The following BLTP1 variants were observed in gnomAD, a reference collection of about 807,000 sequenced individuals.
BLTP1 encodes the protein fragile site-associated protein.
chr4:122,310,895 C>G, the BLTP1 span: 1 of 918,322 alleles, frequency 1.1e-6, no homozygotes, highest in South Asian at 5.0e-5. Context: ...TGGAAATACT[C>G]ATGCCTATTA....
chr4:122,264,188 A>G, the BLTP1 span: 1 of 1,469,226 alleles, frequency 6.8e-7, no homozygotes, highest in South Asian at 1.7e-5. Context: ...ACCCTGCTGT[A>G]CACTTTTATG....
the BLTP1 span, among the ~76,000 whole-genome samples, chr4:122,268,567 A>C: frequency 6.6e-6 from 1 of 152,034 alleles, no homozygotes; most frequent in Non-Finnish European, 1.5e-5. Flanking sequence ...CTAGATATTA[A>C]GAGTGTCTCA....
At chr4:122,152,964 A>G in the BLTP1 span, 1 of 984,602 alleles carries the variant, frequency 1.0e-6, no homozygotes, top group Non-Finnish European at 1.2e-6. Flanking sequence ...GCTGCTTAAT[A>G]TAGGGTCGGT....
the BLTP1 span, among the ~76,000 whole-genome samples, chr4:122,339,629 C>G: frequency 6.6e-6 from 1 of 152,166 alleles, no homozygotes; most frequent in East Asian, 1.9e-4. Context: ...AGCTGAATGG[C>G]AATTAGACAG....
At chr4:122,229,054 A>G in the BLTP1 span, 9 of 1,324,660 alleles carry the variant, frequency 6.8e-6, no homozygotes, top group South Asian at 1.8e-5. Flanking sequence ...TTTAAAGAAG[A>G]TGACTTAAGT....
At chr4:122,267,867 G>A in the BLTP1 span, among the ~76,000 whole-genome samples, 11 of 152,060 alleles carry the variant, frequency 7.2e-5, no homozygotes, top group African/African-American at 2.7e-4. Context: ...GGAGATAAAT[G>A]GCATTTATGA....
chr4:122,152,357 C>T, the BLTP1 span: 1 of 985,870 alleles, frequency 1.0e-6, no homozygotes, highest in Non-Finnish European at 1.2e-6. Context: ...TCGGTTGGGA[C>T]CCCTCCCCTC....
chr4:122,177,488 T>G, the BLTP1 span, among the ~76,000 whole-genome samples: 1 of 152,200 alleles, frequency 6.6e-6, no homozygotes, highest in Non-Finnish European at 1.5e-5. Flanking sequence ...TCCCGTGGCT[T>G]CCCATCTCAC....
the BLTP1 span, chr4:122,207,514 CTTTT>C: frequency 1.2e-4 from 149 of 1,284,936 alleles, no homozygotes; most frequent in Middle Eastern, 2.5e-4. Flanking sequence ...ACTTTTTCTT[CTTTT>C]TTTTTTTTTT....
the BLTP1 span, chr4:122,250,197 A>G: frequency 1.3e-5 from 5 of 372,088 alleles, no homozygotes; most frequent in African/African-American, 6.6e-5. Context: ...GTATATGCCT[A>G]CAATTATTTA....
the BLTP1 span, chr4:122,243,351 T>C: frequency 5.4e-6 from 5 of 932,904 alleles, no homozygotes; most frequent in Non-Finnish European, 6.4e-6. Flanking sequence ...GGTAAATATA[T>C]TAAAATTTTC....
the BLTP1 span, chr4:122,244,480 G>C: frequency 5.1e-6 from 1 of 197,394 alleles, no homozygotes; most frequent in Non-Finnish European, 9.1e-6. Context: ...CACAGATATG[G>C]AGAGCTGACT....
the BLTP1 span, chr4:122,299,811 T>A: frequency 1.0e-6 from 1 of 984,776 alleles, no homozygotes; most frequent in East Asian, 1.1e-4. Flanking sequence ...TAAGGGATGA[T>A]TGTAGATTTG....
the BLTP1 span, chr4:122,355,787 T>C: frequency 6.3e-7 from 1 of 1,587,104 alleles, no homozygotes. Flanking sequence ...TTTATCATTA[T>C]GCATGTAGAG....
At chr4:122,338,394 G>A in the BLTP1 span, among the ~76,000 whole-genome samples, 1 of 152,054 alleles carries the variant, frequency 6.6e-6, no homozygotes, top group East Asian at 1.9e-4. Flanking sequence ...GATGGCTTGA[G>A]ACTGGTAGGT....
the BLTP1 span, chr4:122,315,723 G>A: frequency 1.2e-6 from 2 of 1,601,136 alleles, no homozygotes; most frequent in South Asian, 1.1e-5. Flanking sequence ...TTTCAGGATT[G>A]GCTTTTACCC....
chr4:122,210,987 T>C, the BLTP1 span: 3 of 1,612,998 alleles, frequency 1.9e-6, no homozygotes, highest in Non-Finnish European at 1.7e-6. Flanking sequence ...GCCCACCTAT[T>C]GATCCCTCAG....
At chr4:122,304,821 T>TC in the BLTP1 span, 1 of 1,613,840 alleles carries the variant, frequency 6.2e-7, no homozygotes, top group East Asian at 2.2e-5. Context: ...CGGCCACTAC[T>TC]CCATCAATGA....
the BLTP1 span, chr4:122,247,991 G>A: frequency 1.0e-6 from 1 of 985,064 alleles, no homozygotes; most frequent in Non-Finnish European, 1.2e-6. Flanking sequence ...ATCTTTATGT[G>A]GGACTGGTGA....
Sources: gnomAD v4.1 joint callset for allele counts (sites outside exome capture counted in the v4.1 genomes callset) on GRCh38, gnomAD v4.1.1 for gene constraint, MANE v1.5 for transcripts, NCBI Gene and HGNC (gene_info 2026-07-23, HGNC 2026-07-21) for gene names.